Variants in PELI2 observed in about 807,000 individuals in gnomAD.
PELI2 encodes E3 ubiquitin-protein ligase pellino homolog 2.
PELI2 carries 23 observed loss-of-function variants against 42.3 expected under a neutral mutation model. The ratio of observed to expected loss-of-function variants is 0.54; its 90% CI spans 0.39 to 0.77. The LOEUF (loss-of-function observed/expected upper bound fraction) is 0.77. Among genes scored for constraint, PELI2 ranks in the 30% least tolerant of loss-of-function variants. The pLI, the probability that PELI2 is intolerant of heterozygous loss-of-function variation, is 0.00. For missense variants in PELI2, 463 were observed against 553.2 expected, an observed-to-expected ratio of 0.84 and a Z score of 1.64; for synonymous variants, 245 against 212.2, an observed-to-expected ratio of 1.15 and a Z score of -1.34.
chr14:56,291,785 T>C (rs1889839286), intron 5 of PELI2, among the ~76,000 whole-genome samples: 1 of 152,170 alleles, frequency 6.6e-6, no homozygotes, highest in Admixed American at 6.5e-5. Context: ...CTTAGGGAAG[T>C]AGAGTCATCC....
chr14:56,145,684 A>G (rs778465810), intron 1 of PELI2, among the ~76,000 whole-genome samples: 16 of 152,238 alleles, frequency 1.1e-4, no homozygotes, highest in Non-Finnish European at 2.1e-4. Flanking sequence ...AATGCAAACT[A>G]TCATTTATTC....
intron 1 of PELI2, among the ~76,000 whole-genome samples, chr14:56,172,626 A>C (rs1202659371): frequency 6.6e-6 from 1 of 152,198 alleles, no homozygotes; most frequent in East Asian, 1.9e-4. Flanking sequence ...CAAAGATTGA[A>C]TGATAGTGGA....
chr14:56,210,072 A>G (rs373541231), intron 2 of PELI2, among the ~76,000 whole-genome samples: 9 of 152,334 alleles, frequency 5.9e-5, no homozygotes, highest in African/African-American at 2.2e-4. Flanking sequence ...ATTAATGTCA[A>G]ATTTCTTTAG....
chr14:56,261,304 GT>G (rs1230439796), intron 2 of PELI2, among the ~76,000 whole-genome samples: 5 of 152,128 alleles, frequency 3.3e-5, no homozygotes, highest in African/African-American at 7.2e-5. Flanking sequence ...CCAGCTGACA[GT>G]TTTGCTTACG....
intron 2 of PELI2, among the ~76,000 whole-genome samples, chr14:56,214,208 A>G (rs150470256): frequency 1.8e-4 from 27 of 152,280 alleles, no homozygotes; most frequent in Admixed American, 1.4e-3. Flanking sequence ...TCACTACAGT[A>G]TAATTCCCAT....
rs1718325763 is a variant in PELI2 at position 56,219,355 on chromosome 14, G to A, written c.207+40891G>A. 6.6e-6 allele frequency among the ~76,000 whole-genome samples: 1 copy of A among 152,130 alleles called. No homozygotes were observed. Among genetic ancestry groups the A allele is most frequent in the South Asian group, 2.1e-4 (1 of 4,820 alleles). On this transcript the variant is annotated intron_variant, in intron 2 of 5. Coordinates refer to ENST00000267460, the MANE Select transcript of PELI2 (RefSeq NM_021255.3). This position sits in a 1 kb window ranked among gnomAD's most constrained non-coding sequence, Gnocchi z 4.1. ...TTAAACTATTTTTAAAATGAATGTT[G>A]ACTTTCCTGAAGTTATAAACTGTTT...
chr14:56,195,671 A>G (rs562961032), intron 2 of PELI2, among the ~76,000 whole-genome samples: 1 of 152,338 alleles, frequency 6.6e-6, no homozygotes, highest in East Asian at 1.9e-4. Flanking sequence ...CTGTGTTCAA[A>G]CACTGCAAAC....
chr14:56,255,217 C>G (rs1253767085), intron 2 of PELI2, among the ~76,000 whole-genome samples: 1 of 152,190 alleles, frequency 6.6e-6, no homozygotes, highest in Non-Finnish European at 1.5e-5. Context: ...TTTACAATAG[C>G]AAAGACTTGG....
intron 2 of PELI2, among the ~76,000 whole-genome samples, chr14:56,258,998 G>C (rs879350731): frequency 6.6e-5 from 10 of 151,866 alleles, no homozygotes; most frequent in Non-Finnish European, 1.3e-4. Context: ...ACAAAATTAA[G>C]AATGAAAAAA....
intron 2 of PELI2, among the ~76,000 whole-genome samples, chr14:56,209,218 C>G (rs1439782584): frequency 6.6e-6 from 1 of 152,164 alleles, no homozygotes; most frequent in Non-Finnish European, 1.5e-5. Flanking sequence ...GTAAGAAAAG[C>G]TCATTGATGT....
intron 2 of PELI2, among the ~76,000 whole-genome samples, chr14:56,276,481 G>T (rs990128885): frequency 2.6e-5 from 4 of 152,148 alleles, no homozygotes; most frequent in African/African-American, 9.7e-5. Context: ...AGTACTCCGG[G>T]CCTTTGTAGG....
In PELI2 at chr14:56,282,436, G is replaced by A. The variant is rs772655399; in HGVS notation, c.309+2659G>A. Among the ~76,000 whole-genome samples the A allele has an allele frequency of 6.6e-4, 100 of 152,026 alleles. 1 individual carries two copies. The highest frequency in any genetic ancestry group is 5.9e-4 in the Admixed American group (9 of 15,270). ...AATATGGTAAAATGGTTTAAATCAT[G>A]CTTATATGCATTAAAAAATCTCCAA... On this transcript the variant is annotated intron_variant, in intron 3 of 5. Transcript: ENST00000267460.
intron 1 of PELI2, among the ~76,000 whole-genome samples, chr14:56,157,305 T>C (rs1354189839): frequency 6.6e-6 from 1 of 152,236 alleles, no homozygotes; most frequent in Non-Finnish European, 1.5e-5. Context: ...GTGCTTCGAT[T>C]TCTTAAAATA....
At position 56,297,999 on chromosome 14, in the gene PELI2, G is replaced by C. The variant is rs1890068397; in HGVS notation, c.*833G>C. The C allele has an allele frequency of 6.6e-6, 1 of 151,820 alleles. No individual in the cohort carries two copies. The highest frequency in any genetic ancestry group is 2.4e-5 in the African/African-American group (1 of 41,328). 9.4% of individuals were successfully genotyped at this position (151,820 alleles called of 1,614,324 possible). A position where few individuals can be genotyped will look rare whatever the true frequency, so the allele number is the denominator to read the frequency against. On this transcript the variant is annotated 3_prime_UTR_variant, in exon 6 of 6. Transcript: ENST00000267460. ...TAATTACAGTAGTAGACATGGTCTG[G>C]GTACTATACTACCATGTTTATTTGC...
intron 1 of PELI2, among the ~76,000 whole-genome samples, chr14:56,132,866 C>G (rs1883541687): frequency 6.6e-6 from 1 of 152,132 alleles, no homozygotes; most frequent in Non-Finnish European, 1.5e-5. Context: ...CTCATTGATT[C>G]CTACAACTTT....
chr14:56,196,851 A>G (rs1360328233), intron 2 of PELI2, among the ~76,000 whole-genome samples: 1 of 152,082 alleles, frequency 6.6e-6, no homozygotes, highest in Non-Finnish European at 1.5e-5. Flanking sequence ...TTTATCTTTT[A>G]ACTTTGTTCA....
At chr14:56,139,089 C>A (rs1452424607) in intron 1 of PELI2, among the ~76,000 whole-genome samples, 1 of 152,166 alleles carries the variant, frequency 6.6e-6, no homozygotes, top group African/African-American at 2.4e-5. Context: ...GCCACAGAAT[C>A]CTTAATTATC....
chr14:56,242,570 A>G (rs796731901), intron 2 of PELI2, among the ~76,000 whole-genome samples: 1 of 152,222 alleles, frequency 6.6e-6, no homozygotes, highest in East Asian at 1.9e-4. Context: ...GAGCGGCACA[A>G]CTTGCAATTG....
At chr14:56,243,917 A>C (rs1181561429) in intron 2 of PELI2, among the ~76,000 whole-genome samples, 3 of 152,172 alleles carry the variant, frequency 2.0e-5, no homozygotes, top group Admixed American at 2.0e-4. Context: ...ACTTTCTGAA[A>C]ATTGAATTTT....
Sources: allele counts gnomAD v4.1 joint callset (sites outside exome capture counted in the v4.1 genomes callset), GRCh38; gene constraint gnomAD v4.1.1; non-coding constraint Gnocchi (gnomAD v3.1); transcripts MANE v1.5; gene names NCBI Gene and HGNC (gene_info 2026-07-23, HGNC 2026-07-21).